Variants in MYO3A observed in about 807,000 individuals in gnomAD.
The protein encoded by MYO3A is myosin IIIA, also known as myosin-IIIa.
MYO3A carries 180 observed loss-of-function variants against 192.7 expected under a neutral mutation model. The ratio of observed to expected loss-of-function variants is 0.93; its 90% CI spans 0.83 to 1.06. The LOEUF (loss-of-function observed/expected upper bound fraction) is 1.06. MYO3A is among the 50% of genes least tolerant of loss of function. MYO3A has a pLI of 0.00. For missense variants in MYO3A, 1,896 were observed against 1,905.0 expected, an observed-to-expected ratio of 1.00 and a Z score of 0.09; for synonymous variants, 628 against 645.3, an observed-to-expected ratio of 0.97 and a Z score of 0.41.
chr10:26,128,558 A>G lies in MYO3A; in HGVS notation c.2262+20A>G. ...GAACAGGTAAGTCTAAGTACTTACT[A>G]TAAATATGCATGCATGCATGTATTA... On this transcript the variant is annotated intron_variant, in intron 20 of 34. Coordinates refer to ENST00000642920, the MANE Select transcript of MYO3A (RefSeq NM_017433.5). 6.3e-7 allele frequency: 1 copy of G among 1,590,328 alleles called. No homozygotes were observed. Among genetic ancestry groups the G allele is most frequent in the East Asian group, 2.2e-5 (1 of 44,638 alleles).
intron 27 of MYO3A, 62 bp from the exon 28 acceptor site, chr10:26,168,650 C>T (rs1435388770): frequency 5.3e-6 from 8 of 1,516,564 alleles, no homozygotes; most frequent in South Asian, 2.3e-5. Context: ...CTTCAAAGCA[C>T]AGCACATAAC....
chr10:26,121,480 A>C (rs1838855028), intron 18 of MYO3A, among the ~76,000 whole-genome samples: 1 of 152,004 alleles, frequency 6.6e-6, no homozygotes, highest in Non-Finnish European at 1.5e-5. Flanking sequence ...CCTCGTCCAA[A>C]AGCTCACACC....
intron 4 of MYO3A, among the ~76,000 whole-genome samples, chr10:25,976,771 A>C (rs1482833476): frequency 6.6e-6 from 1 of 152,154 alleles, no homozygotes; most frequent in Non-Finnish European, 1.5e-5. Context: ...AAAACTATAC[A>C]TAATTATTTT....
intron 14 of MYO3A, among the ~76,000 whole-genome samples, chr10:26,077,175 T>A (rs1835626223): frequency 6.6e-6 from 1 of 151,068 alleles, no homozygotes; most frequent in Non-Finnish European, 1.5e-5. Context: ...ATTTCAGCAG[T>A]GTTTTGTAGT....
At chr10:26,061,221 G>A (rs530941809) in intron 10 of MYO3A, among the ~76,000 whole-genome samples, 1 of 152,210 alleles carries the variant, frequency 6.6e-6, no homozygotes, top group East Asian at 1.9e-4. Flanking sequence ...GAGCCACCAC[G>A]CCCGGCCGAC....
intron 10 of MYO3A, among the ~76,000 whole-genome samples, chr10:26,031,422 G>A (rs1196942865): frequency 6.6e-6 from 1 of 152,164 alleles, no homozygotes; most frequent in African/African-American, 2.4e-5. Flanking sequence ...TGAGCTTTAT[G>A]TTGCTTCCTT....
chr10:26,120,714 G>A lies in MYO3A; in HGVS notation c.1815G>A (p.Leu605=). Residue 605 remains leucine (L), a synonymous_variant, in exon 18 of 35, where the codon TTG becomes TTA. Transcript: ENST00000642920. ...TATACAGCATACTCGCTGCAATCTT[G>A]AATGTTGGCAACATTGAATTTTCTT... ...GSIYSILAAI[L]NVGNIEFSSV... 1 of 1,614,044 alleles carries A rather than the reference G, an allele frequency of 6.2e-7. No homozygotes were observed. Among genetic ancestry groups the A allele is most frequent in the South Asian group, 1.1e-5 (1 of 91,078 alleles).
At chr10:26,134,499 A>ATT (rs1441233176) in intron 20 of MYO3A, among the ~76,000 whole-genome samples, 1 of 152,194 alleles carries the variant, frequency 6.6e-6, no homozygotes, top group Non-Finnish European at 1.5e-5. Context: ...TAAAAAAGTT[A>ATT]TTTCATTAAA....
chr10:26,098,920 T>G (rs1379893844), intron 17 of MYO3A, among the ~76,000 whole-genome samples: 5 of 152,190 alleles, frequency 3.3e-5, no homozygotes, highest in Non-Finnish European at 5.9e-5. Flanking sequence ...CATATGAACT[T>G]TAAAGTAGTT....
intron 21 of MYO3A, 74 bp from the exon 22 acceptor site, chr10:26,145,372 T>C (rs549695007): frequency 2.9e-6 from 3 of 1,034,732 alleles, no homozygotes; most frequent in East Asian, 4.9e-5. Context: ...GTCCTTTTTA[T>C]GGTAAATAAT....
chr10:26,212,149 C>A lies in MYO3A; in HGVS notation c.*186C>A. The stretch of plus-strand genomic sequence containing the variant: ...GCCTTCGTGCTCCGAAACAAGAGAC[C>A]TGGGAGCCCTCGGGAAACCTCCCCC... On this transcript the variant is annotated 3_prime_UTR_variant, in exon 35 of 35. Transcript: ENST00000642920. 4 of 882,558 alleles carry A rather than the reference C, an allele frequency of 4.5e-6. No individual in the cohort carries two copies. The Admixed American group carries it at 9.0e-5, about 20-fold the overall frequency. 54.7% of individuals were successfully genotyped at this position (882,558 alleles called of 1,614,324 possible).
chr10:26,138,815 A>AAATGCTT (rs1209875315), intron 20 of MYO3A, among the ~76,000 whole-genome samples: 2 of 152,236 alleles, frequency 1.3e-5, no homozygotes, highest in Admixed American at 1.3e-4. Flanking sequence ...AAAGTCACTC[A>AAATGCTT]AATGCCAGCT....
chr10:25,975,267 G>A (rs1004498859), intron 4 of MYO3A, among the ~76,000 whole-genome samples: 1 of 152,306 alleles, frequency 6.6e-6, no homozygotes, highest in East Asian at 1.9e-4. Context: ...CAGAAGACTG[G>A]CCAGAACCAC....
At chr10:26,202,749 G>A in intron 33 of MYO3A, 1 of 497,402 alleles carries the variant, frequency 2.0e-6, no homozygotes, top group East Asian at 3.9e-5. Flanking sequence ...TGTTCCCACA[G>A]CTAATGTTCT....
At chr10:26,012,242 G>A (rs1192819714) in intron 6 of MYO3A, among the ~76,000 whole-genome samples, 3 of 152,034 alleles carry the variant, frequency 2.0e-5, no homozygotes, top group Admixed American at 1.3e-4. Flanking sequence ...TGGAAGTACA[G>A]AGCAATTAAG....
At chr10:26,131,241 T>C (rs1048845623) in intron 20 of MYO3A, among the ~76,000 whole-genome samples, 1 of 152,240 alleles carries the variant, frequency 6.6e-6, no homozygotes, top group Non-Finnish European at 1.5e-5. Context: ...GTATTTGTAA[T>C]AGACAGTGGG....
intron 23 of MYO3A, among the ~76,000 whole-genome samples, chr10:26,150,289 C>T (rs1840722718): frequency 6.6e-6 from 1 of 152,114 alleles, no homozygotes; most frequent in South Asian, 2.1e-4. Context: ...GAATATTGCA[C>T]TATAGTTTTC....
At chr10:26,166,291 A>T in intron 27 of MYO3A, 113 bp downstream of exon 27, 1 of 943,916 alleles carries the variant, frequency 1.1e-6, no homozygotes, top group East Asian at 2.5e-5. Flanking sequence ...AGAATCTATA[A>T]CTTACAATAG....
rs1045721160 is a variant in MYO3A, at chr10:26,127,617, A to G, written c.2115-774A>G. ...TGTCATTTCCAAATCACTTCCTTAC[A>G]TAATACTAAGTGTAACCCTGGAACA... is the stretch of plus-strand genomic sequence containing the variant. On this transcript the variant is annotated intron_variant, in intron 19 of 34. Coordinates refer to ENST00000642920, the MANE Select transcript of MYO3A (RefSeq NM_017433.5). 3.9e-5 allele frequency among the ~76,000 whole-genome samples: 6 copies of G among 152,248 alleles called. No individual in the cohort carries two copies. In the East Asian group the frequency reaches 1.2e-3, roughly 29 times the overall value.
Sources: gnomAD v4.1 joint callset for allele counts (sites outside exome capture counted in the v4.1 genomes callset) on GRCh38, gnomAD v4.1.1 for gene constraint, MANE v1.5 for transcripts, NCBI Gene and HGNC (gene_info 2026-07-23, HGNC 2026-07-21) for gene names.